MYO15A: variants seen among roughly 807,000 people sequenced by gnomAD.
MYO15A encodes myosin XVA, also known as unconventional myosin-XV.
MYO15A carries 308 observed loss-of-function variants against 394.6 expected under a neutral mutation model. That is an observed-to-expected ratio of 0.78 (90% confidence interval 0.71 to 0.86). MYO15A has a LOEUF of 0.86. Among genes scored for constraint, MYO15A ranks in the 40% least tolerant of loss-of-function variants. MYO15A has a pLI of 0.00. For missense variants in MYO15A, 4,606 were observed against 4,799.1 expected (o/e 0.96, Z 1.19); for synonymous variants, 1,957 against 2,003.8 (o/e 0.98, Z 0.62).
Position 18,125,237 on chromosome 17 carries a change from G to A in MYO15A, c.3756+6G>A, listed in dbSNP as rs1180828912. Reference sequence around the variant, plus strand: ...TTGAACGGAACCTCATCTACGTAAGGCCTGGGGCTGGCCCTGCCCTGGGCC... The same window carrying A: ...TTGAACGGAACCTCATCTACGTAAGACCTGGGGCTGGCCCTGCCCTGGGCC... On this transcript the variant is annotated splice_donor_region_variant and intron_variant, in intron 4 of 65. Coordinates refer to ENST00000647165, the MANE Select transcript of MYO15A (RefSeq NM_016239.4). 5 of 1,613,892 alleles carry A rather than the reference G, an allele frequency of 3.1e-6. No homozygotes were observed. The highest frequency in any genetic ancestry group is 3.3e-5 in the Admixed American group (2 of 60,010).
In MYO15A at chr17:18,122,224, A is replaced by T; in HGVS notation, c.3424A>T (p.Ile1142Phe). The T allele has an allele frequency of 2.5e-6, 4 of 1,613,152 alleles. No homozygotes were observed. Among genetic ancestry groups the T allele is most frequent in the Non-Finnish European group, 3.4e-6 (4 of 1,180,006 alleles). The change falls in exon 2 of 66, where the codon ATT becomes TTT. Residue 1142 changes from isoleucine to phenylalanine, a missense_variant. By Grantham distance (21) the Ile-to-Phe change is conservative. Transcript: ENST00000647165. ...AACCCTGAAGCCTCAAGTCCAGCCC[A>T]TTCAGGACCCCAAGCCAAGAGCCTG... ...PATLKPQVQP[I>F]QDPKPRACSL...
intron 63 of MYO15A, 80 bp downstream of exon 63, chr17:18,171,851 C>A: frequency 6.5e-7 from 1 of 1,532,742 alleles, no homozygotes; most frequent in Non-Finnish European, 8.7e-7. Flanking sequence ...TATGGAGGCA[C>A]CTCTTTCTTT....
chr17:18,168,524 C>T (rs2046888986), intron 62 of MYO15A, among the ~76,000 whole-genome samples: 6 of 150,800 alleles, frequency 4.0e-5, no homozygotes, highest in Non-Finnish European at 5.9e-5. Flanking sequence ...GCCGAGATAG[C>T]GCCATTGCAC....
At chr17:18,163,648 A>G in intron 59 of MYO15A, 94 bp from the exon 60 acceptor site, 2 of 1,145,338 alleles carry the variant, frequency 1.7e-6, no homozygotes, top group East Asian at 2.6e-5. Flanking sequence ...GGGCTGAGGA[A>G]CTCCACACAT....
intron 1 of MYO15A, among the ~76,000 whole-genome samples, chr17:18,114,537 C>T (rs1371251947): frequency 6.6e-6 from 1 of 152,162 alleles, no homozygotes; most frequent in Non-Finnish European, 1.5e-5. Flanking sequence ...CAGGCATGAG[C>T]CACTGCACCT....
intron 42 of MYO15A, 45 bp downstream of exon 42, chr17:18,152,229 G>A (rs961789652): frequency 9.8e-6 from 15 of 1,530,816 alleles, no homozygotes; most frequent in African/African-American, 5.5e-5. Flanking sequence ...CCAAGTATAT[G>A]AGGAAGTCTG....
Position 18,148,018 on chromosome 17 carries a change from C to T in MYO15A, c.6510-11C>T. The T allele has an allele frequency of 6.2e-7, 1 of 1,614,090 alleles. No homozygotes were observed. Among genetic ancestry groups the T allele is most frequent in the South Asian group, 1.1e-5 (1 of 91,080 alleles). On this transcript the variant is annotated splice_polypyrimidine_tract_variant and intron_variant, in intron 30 of 65. Coordinates refer to ENST00000647165, the MANE Select transcript of MYO15A (RefSeq NM_016239.4). This position sits in a 1 kb window ranked among gnomAD's most constrained non-coding sequence, Gnocchi z 4.8. ...TCCTTCTTGATCCTGGCTCCAACTC[C>T]TACCCATCAGGTTTGTGTCTGATTA...
Position 18,118,987 on chromosome 17 carries a change from C to T in MYO15A, c.187C>T (p.Leu63Phe), listed in dbSNP as rs1202012319. ...CAGCGCCTCGGCCTTCTTCTGGGGC[C>T]TCCACACCGGCCCCCAGAAGACCAA... ...FRSASAFFWG[L>F]HTGPQKTKRK... is the part of the protein sequence containing the mutation. The change falls in exon 2 of 66, where the codon CTC becomes TTC. Residue 63 changes from leucine (L) to phenylalanine (F), a missense_variant. Around this residue, in one of 2 missense-constraint regions of MYO15A, gnomAD observed 1,830 missense variants for 1,689.7 expected, o/e 1.08. Coordinates refer to ENST00000647165, the MANE Select transcript of MYO15A (RefSeq NM_016239.4). 1 of 1,613,026 alleles carries T rather than the reference C, an allele frequency of 6.2e-7. No homozygotes were observed. The highest frequency in any genetic ancestry group is 1.1e-5 in the South Asian group (1 of 91,074).
rs928677736 is a variant in MYO15A, at chr17:18,126,713, A to G, written c.3867-78A>G. The G allele has an allele frequency of 2.1e-5, 31 of 1,483,478 alleles. No homozygotes were observed. The African/African-American group carries it at 4.1e-4, about 20-fold the overall frequency. The allele number at this position is 1,483,478 out of a possible 1,614,324, so 91.9% of individuals were successfully genotyped here. Reference sequence around the variant, plus strand: ...GGCAGGATTGGCTGTTTGGCTGGATACGGATGCTCCCTGCCCAATCCCTGG... The same window carrying G: ...GGCAGGATTGGCTGTTTGGCTGGATGCGGATGCTCCCTGCCCAATCCCTGG... On this transcript the variant is annotated intron_variant, in intron 5 of 65. Coordinates refer to ENST00000647165, the MANE Select transcript of MYO15A (RefSeq NM_016239.4).
At chr17:18,172,403 C>A in intron 64 of MYO15A, 113 bp downstream of exon 64, 1 of 1,450,732 alleles carries the variant, frequency 6.9e-7, no homozygotes, top group Non-Finnish European at 9.6e-7. Flanking sequence ...TGCTTACCAC[C>A]TTCATGATCT....
At chr17:18,169,144 A>G (rs2046901477) in intron 62 of MYO15A, among the ~76,000 whole-genome samples, 1 of 138,842 alleles carries the variant, frequency 7.2e-6, no homozygotes, top group African/African-American at 2.7e-5. Flanking sequence ...AATAATAATA[A>G]TAATAATAAT....
chr17:18,163,977 G>A (rs1368794890), intron 60 of MYO15A, 139 bp downstream of exon 60: 17 of 828,944 alleles, frequency 2.1e-5, no homozygotes, highest in Admixed American at 4.0e-5. Flanking sequence ...CATGTGGAAG[G>A]ATCTCTGTGT....
At chr17:18,112,292 A>G (rs1163586406) in intron 1 of MYO15A, among the ~76,000 whole-genome samples, 1 of 150,508 alleles carries the variant, frequency 6.6e-6, no homozygotes, top group African/African-American at 2.5e-5. Flanking sequence ...GTGGGGTTGG[A>G]CCTGTGACAT....
chr17:18,139,636 G>A, intron 19 of MYO15A, 25 bp downstream of exon 19: 1 of 1,612,528 alleles, frequency 6.2e-7, no homozygotes, highest in Non-Finnish European at 8.5e-7. Context: ...CCACCGCTCT[G>A]GCCCTGCCCC....
Position 18,119,959 on chromosome 17 carries a change from G to T in MYO15A, c.1159G>T (p.Gly387Cys). The T allele has an allele frequency of 6.2e-7, 1 of 1,613,622 alleles. No individual in the cohort carries two copies. Among genetic ancestry groups the T allele is most frequent in the Non-Finnish European group, 8.5e-7 (1 of 1,180,000 alleles). The change falls in exon 2 of 66, where the codon GGT (glycine) becomes TGT (cysteine). Residue 387 changes from glycine to cysteine, a missense_variant. Around this residue, in one of 2 missense-constraint regions of MYO15A, gnomAD observed 1,830 missense variants for 1,689.7 expected, o/e 1.08. Coordinates refer to ENST00000647165, the MANE Select transcript of MYO15A (RefSeq NM_016239.4). ...CCCCTATGCCGAAGGCGTCTATGGC[G>T]GTGGGGACGAGGCCATCTACCCCCC... is the stretch of plus-strand genomic sequence containing the variant. ...TVPYAEGVYG[G>C]GDEAIYPPEV...
At position 18,149,320 on chromosome 17, in the gene MYO15A, A is replaced by G. The variant is rs1227403033; in HGVS notation, c.7061A>G (p.Asn2354Ser). 6.2e-7 allele frequency: 1 copy of G among 1,613,008 alleles called. No individual in the cohort carries two copies. Among genetic ancestry groups the G allele is most frequent in the Admixed American group, 1.7e-5 (1 of 59,864 alleles). ...GACTCTGATGGGTACAGCAGCCACA[A>G]TCAGGACGGTACAAATGGGGAGACT... ...VLDSDGYSSH[N>S]QDGTNGETEA... Residue 2354 changes from asparagine to serine, a missense_variant, in exon 34 of 66, where the codon AAT becomes AGT. Physicochemically the swap from Asn to Ser is conservative, Grantham distance 46 (BLOSUM62 1). This residue lies in a region of MYO15A where 2,776 missense variants were observed against 3,109.3 expected (regional missense o/e 0.89). Coordinates refer to ENST00000647165, the MANE Select transcript of MYO15A (RefSeq NM_016239.4).
In MYO15A at chr17:18,142,109, C is replaced by T; in HGVS notation, c.5680C>T (p.Leu1894=). Residue 1894 remains leucine, a synonymous_variant, in exon 24 of 66, where the codon CTG becomes TTG. Transcript: ENST00000647165. The part of the protein sequence containing the change: ...LFLKEHLYQL[L]ESMREHVLNL... ...CCTTAAGGAACACCTATACCAGCTG[C>T]TGGAGAGTATGCGAGAGCATGTCCT... is the stretch of plus-strand genomic sequence containing the variant. The T allele has an allele frequency of 6.2e-7, 1 of 1,613,582 alleles. No homozygotes were observed. Among genetic ancestry groups the T allele is most frequent in the Non-Finnish European group, 8.5e-7 (1 of 1,180,020 alleles).
At chr17:18,130,685 T>C in intron 7 of MYO15A, 120 bp from the exon 8 acceptor site, 2 of 1,560,314 alleles carry the variant, frequency 1.3e-6, no homozygotes, top group Middle Eastern at 1.7e-4. Flanking sequence ...CACAGGTTTT[T>C]ACTAGTCCCT....
At position 18,122,278 on chromosome 17, in the gene MYO15A, C is replaced by G; in HGVS notation, c.3478C>G (p.Arg1160Gly). 8 of 1,613,054 alleles carry G rather than the reference C, an allele frequency of 5.0e-6. No homozygotes were observed. The highest frequency in any genetic ancestry group is 1.1e-5 in the South Asian group (1 of 91,030). ...CSLRWSCLWLRADAYGPWPRV... is the reference protein window; with the variant it reads ...CSLRWSCLWLGADAYGPWPRV... Reference sequence around the variant, plus strand: ...TCTTCGCTGGTCCTGCCTCTGGCTTCGGGCAGATGCCTATGGACCCTGGCC... The same window carrying G: ...TCTTCGCTGGTCCTGCCTCTGGCTTGGGGCAGATGCCTATGGACCCTGGCC... Residue 1160 changes from arginine (R) to glycine (G), a missense_variant, in exon 2 of 66, where the codon CGG (arginine) becomes GGG (glycine). Physicochemically the swap from Arg to Gly is moderately radical, Grantham distance 125. This residue lies in a region of MYO15A where 1,830 missense variants were observed against 1,689.7 expected (regional missense o/e 1.08). Coordinates refer to ENST00000647165, the MANE Select transcript of MYO15A (RefSeq NM_016239.4).
Sources: allele counts gnomAD v4.1 joint callset (sites outside exome capture counted in the v4.1 genomes callset), GRCh38; gene constraint gnomAD v4.1.1; regional missense constraint gnomAD v4.1.1; non-coding constraint Gnocchi (gnomAD v3.1); transcripts MANE v1.5; gene names NCBI Gene and HGNC (gene_info 2026-07-23, HGNC 2026-07-21).